The following CLASP2 variants were observed in gnomAD, a reference collection of about 807,000 sequenced individuals.
CLASP2 encodes the protein CLIP-associating protein 2.
CLASP2 carries 47 observed loss-of-function variants against 194.4 expected under a neutral mutation model. That is an observed-to-expected ratio of 0.24 (90% CI 0.19 to 0.31). The LOEUF (loss-of-function observed/expected upper bound fraction) is 0.31. Among genes scored for constraint, CLASP2 ranks in the 10% least tolerant of loss-of-function variants. The pLI, the probability that CLASP2 is intolerant of heterozygous loss-of-function variation, is 1.00. For missense variants in CLASP2, 1,445 were observed against 1,823.6 expected, an observed-to-expected ratio of 0.79 and a Z score of 3.78; for synonymous variants, 619 against 633.5, an observed-to-expected ratio of 0.98 and a Z score of 0.34.
intron 34 of CLASP2, among the ~76,000 whole-genome samples, chr3:33,531,741 C>T (rs1470067265): frequency 1.3e-5 from 2 of 152,206 alleles, no homozygotes; most frequent in Non-Finnish European, 2.9e-5. Flanking sequence ...CGCCATTGCA[C>T]TCCAGCCTAG....
intron 8 of CLASP2, among the ~76,000 whole-genome samples, chr3:33,643,604 T>C (rs1350442538): frequency 1.3e-5 from 2 of 152,022 alleles, no homozygotes; most frequent in African/African-American, 2.4e-5. Flanking sequence ...TTTAGTTATA[T>C]GTGCATCTAT....
chr3:33,576,524 G>A (rs1246342505), intron 23 of CLASP2: 1 of 410,114 alleles, frequency 2.4e-6, no homozygotes, highest in Non-Finnish European at 4.5e-6. Context: ...CAAGGTAGAA[G>A]GAAGCATGGC....
intron 12 of CLASP2, among the ~76,000 whole-genome samples, chr3:33,618,551 G>A (rs749410553): frequency 2.9e-4 from 44 of 152,248 alleles, no homozygotes; most frequent in Non-Finnish European, 5.4e-4. Flanking sequence ...GGAGGCTGAG[G>A]CGGGAAAATA....
In CLASP2 at chr3:33,631,493, C is replaced by T. The variant is rs569373041; in HGVS notation, c.942+799G>A. Among the ~76,000 whole-genome samples the T allele has an allele frequency of 5.3e-5, 8 of 152,148 alleles. No individual in the cohort carries two copies. In the South Asian group the frequency reaches 6.2e-4, roughly 12 times the overall value. On this transcript the variant is annotated intron_variant, in intron 9 of 38. Coordinates refer to ENST00000682230, the MANE Select transcript of CLASP2 (RefSeq NM_001365631.1). ...GGTGGATCACTTGAGGTGAGGAGTT[C>T]GAGACCAGCCTGACCAACATAGTGA... is the stretch of plus-strand genomic sequence containing the variant.
rs2046081346 is a variant in CLASP2, at chr3:33,498,524, A to C, written c.*107T>G. On this transcript the variant is annotated 3_prime_UTR_variant, in exon 39 of 39. Coordinates refer to ENST00000682230, the MANE Select transcript of CLASP2 (RefSeq NM_001365631.1). The stretch of plus-strand genomic sequence containing the variant: ...AACGAAACAAAAAACTAAAACTGGG[A>C]AACAATAGTAAGTTCCAAAGGATGT... 3.0e-6 allele frequency: 2 copies of C among 675,468 alleles called. No individual in the cohort carries two copies. The highest frequency in any genetic ancestry group is 1.8e-5 in the African/African-American group (1 of 55,188). 41.8% of individuals were successfully genotyped at this position (675,468 alleles called of 1,614,324 possible).
intron 13 of CLASP2, among the ~76,000 whole-genome samples, chr3:33,610,929 T>A (rs141763407): frequency 6.6e-6 from 1 of 152,262 alleles, no homozygotes; most frequent in East Asian, 1.9e-4. Context: ...AAAGGCAGAG[T>A]TCTTTACAAT....
intron 8 of CLASP2, among the ~76,000 whole-genome samples, chr3:33,640,674 A>G (rs182943875): frequency 6.6e-6 from 1 of 152,276 alleles, no homozygotes; most frequent in East Asian, 1.9e-4. Flanking sequence ...TTTAAAAATG[A>G]TAATTATATC....
intron 18 of CLASP2, among the ~76,000 whole-genome samples, chr3:33,597,724 T>C (rs1453515446): frequency 6.6e-6 from 1 of 151,704 alleles, no homozygotes; most frequent in Non-Finnish European, 1.5e-5. Context: ...ACTGTGAACA[T>C]GTTGCATTGC....
intron 34 of CLASP2, among the ~76,000 whole-genome samples, chr3:33,531,762 C>A (rs537377847): frequency 6.6e-6 from 1 of 151,948 alleles, no homozygotes; most frequent in Non-Finnish European, 1.5e-5. Context: ...ACGACAAGAG[C>A]GAAACTCTGT....
chr3:33,674,243 C>G (rs2088030232), intron 6 of CLASP2, among the ~76,000 whole-genome samples: 1 of 152,150 alleles, frequency 6.6e-6, no homozygotes, highest in African/African-American at 2.4e-5. Context: ...AACAAACTAT[C>G]TCTCAGACCA....
At chr3:33,519,717 T>C (rs6800800) in intron 34 of CLASP2, among the ~76,000 whole-genome samples, 6,795 of 152,234 alleles carry the variant, frequency 0.045, 244 homozygotes, top group African/African-American at 0.1. Flanking sequence ...TTTCTTTTCT[T>C]TGTACTACAG....
chr3:33,698,390 C>T (rs571571017), intron 1 of CLASP2, among the ~76,000 whole-genome samples: 63 of 152,162 alleles, frequency 4.1e-4, no homozygotes, highest in African/African-American at 1.5e-3. Context: ...TAAAGCCTTA[C>T]CCCAAGACTC....
At chr3:33,683,618 A>G (rs1393051527) in intron 6 of CLASP2, 6 of 152,436 alleles carry the variant, frequency 3.9e-5, no homozygotes, top group African/African-American at 9.7e-5. Flanking sequence ...AAAAACAAAC[A>G]AAACAAAAAA....
At chr3:33,532,955 A>T (rs1339694963) in intron 34 of CLASP2, among the ~76,000 whole-genome samples, 1 of 152,192 alleles carries the variant, frequency 6.6e-6, no homozygotes, top group Non-Finnish European at 1.5e-5. Flanking sequence ...TCAGGTTGGT[A>T]ATTTACTTTC....
intron 7 of CLASP2, chr3:33,659,345 C>G: frequency 9.1e-7 from 1 of 1,101,470 alleles, no homozygotes; most frequent in East Asian, 5.4e-5. Flanking sequence ...AAATGCCATC[C>G]CGCTGGGGGA....
At position 33,717,931 on chromosome 3, in the gene CLASP2, G is replaced by A. The variant is rs2093372079; in HGVS notation, c.72C>T (p.Val24=). 1.3e-6 allele frequency: 2 copies of A among 1,549,504 alleles called. No individual in the cohort carries two copies. The highest frequency in any genetic ancestry group is 1.2e-5 in the South Asian group (1 of 84,148). Residue 24 remains valine, a synonymous_variant, in exon 1 of 39, where the codon GTC becomes GTT. Transcript: ENST00000682230. ...CAAGGTAGAGCAGGAGCTCCTGGCCGACCTGCAGCCGGCCGCCGACGTCCT... is the reference window on the plus strand; with the variant it reads ...CAAGGTAGAGCAGGAGCTCCTGGCCAACCTGCAGCCGGCCGCCGACGTCCT... ...QQKDVGGRLQ[V]GQELLLYLGA...
intron 10 of CLASP2, among the ~76,000 whole-genome samples, chr3:33,622,977 T>A (rs558949775): frequency 1.3e-5 from 2 of 152,126 alleles, no homozygotes; most frequent in East Asian, 3.9e-4. Flanking sequence ...CCTGGATAAT[T>A]TTTGTATTTT....
chr3:33,661,332 A>T (rs529246842), intron 7 of CLASP2, among the ~76,000 whole-genome samples: 24 of 152,150 alleles, frequency 1.6e-4, no homozygotes, highest in Non-Finnish European at 3.2e-4. Context: ...GATCTAATTT[A>T]CATTTTAAGA....
chr3:33,707,801 G>A (rs1343434482), intron 1 of CLASP2, among the ~76,000 whole-genome samples: 1 of 151,808 alleles, frequency 6.6e-6, no homozygotes, highest in Non-Finnish European at 1.5e-5. Flanking sequence ...CAGACTGTGG[G>A]AAAATCTACA....
Sources: allele counts gnomAD v4.1 joint callset (sites outside exome capture counted in the v4.1 genomes callset), GRCh38; gene constraint gnomAD v4.1.1; transcripts MANE v1.5; gene names NCBI Gene and HGNC (gene_info 2026-07-23, HGNC 2026-07-21).